CNTNAP3: variants seen among roughly 807,000 people sequenced by gnomAD.
CNTNAP3 encodes contactin-associated protein-like 3.
CNTNAP3 carries 36 observed loss-of-function variants against 92.1 expected under a neutral mutation model. The ratio of observed to expected loss-of-function variants is 0.39; its 90% CI spans 0.30 to 0.52. The LOEUF is 0.52. Ranked by LOEUF, CNTNAP3 falls within the 20% of genes least tolerant of loss-of-function variation. The probability of loss-of-function intolerance (pLI) is 0.76; values close to 1 mark genes in which losing one functional copy is unlikely to be tolerated. For synonymous variants in CNTNAP3, 232 were observed against 422.3 expected, an observed-to-expected ratio of 0.55 and a Z score of 5.53; for missense variants, 534 against 1,069.6, an observed-to-expected ratio of 0.50 and a Z score of 6.98.
intron 15 of CNTNAP3, among the ~76,000 whole-genome samples, chr9:39,105,184 T>C (rs535521043): frequency 2.0e-4 from 30 of 152,252 alleles, no homozygotes; most frequent in African/African-American, 6.7e-4. Flanking sequence ...CCCCAGCACT[T>C]TGGGAGGCCA....
intron 23 of CNTNAP3, among the ~76,000 whole-genome samples, chr9:39,077,586 A>ACAAG (rs1045727760): frequency 7.4e-5 from 8 of 107,498 alleles, no homozygotes; most frequent in African/African-American, 3.2e-4. Context: ...AAACAAACAA[A>ACAAG]CAAACAAAAA....
intron 13 of CNTNAP3, among the ~76,000 whole-genome samples, chr9:39,128,389 TA>T (rs1821198538): frequency 1.3e-5 from 2 of 152,050 alleles, no homozygotes; most frequent in African/African-American, 4.8e-5. Flanking sequence ...TTTTTTAAAT[TA>T]TACATTATGG....
chr9:39,093,878 G>C (rs1338404524), intron 18 of CNTNAP3, among the ~76,000 whole-genome samples: 1 of 151,104 alleles, frequency 6.6e-6, no homozygotes, highest in Non-Finnish European at 1.5e-5. Flanking sequence ...TATATATGTA[G>C]AAGTGGAATT....
chr9:39,111,330 A>G (rs1334814172), intron 14 of CNTNAP3, among the ~76,000 whole-genome samples: 1 of 152,190 alleles, frequency 6.6e-6, no homozygotes, highest in Non-Finnish European at 1.5e-5. Context: ...GACTTTAGGT[A>G]TCAAACTTTC....
intron 10 of CNTNAP3, among the ~76,000 whole-genome samples, chr9:39,147,880 TAACAGA>T (rs1821741648): frequency 6.6e-6 from 1 of 152,306 alleles, no homozygotes; most frequent in Middle Eastern, 3.4e-3. Context: ...ATATATCTCA[TAACAGA>T]AACACTGCAA....
chr9:39,146,437 C>G (rs940295938), intron 10 of CNTNAP3, among the ~76,000 whole-genome samples: 2 of 152,142 alleles, frequency 1.3e-5, no homozygotes, highest in Admixed American at 1.3e-4. Flanking sequence ...CGCCTGTAAT[C>G]CCAGCACTTT....
intron 18 of CNTNAP3, among the ~76,000 whole-genome samples, chr9:39,094,977 T>C (rs1826293530): frequency 6.6e-6 from 1 of 151,610 alleles, no homozygotes; most frequent in South Asian, 2.1e-4. Context: ...ATGGAATGTC[T>C]TTCCATCTAT....
At position 39,070,644 on chromosome 9, in the gene CNTNAP3, CTT is replaced by C. The variant is rs1206116125; in HGVS notation, c.*3244_*3245del. Among the ~76,000 whole-genome samples, 2 of 151,674 alleles carry C rather than the reference CTT, an allele frequency of 1.3e-5. No individual in the cohort carries two copies. Among genetic ancestry groups the C allele is most frequent in the African/African-American group, 2.4e-5 (1 of 41,328 alleles). On this transcript the variant is annotated 3_prime_UTR_variant, in exon 24 of 24. Coordinates refer to ENST00000297668, the MANE Select transcript of CNTNAP3 (RefSeq NM_033655.5). ...ATAGGGTGACTATAGTCAATAAAAA[CTT>C]AACTGCATATTTTAAAATACAGAGT... is the stretch of plus-strand genomic sequence containing the variant.
chr9:39,107,114 TAA>T (rs1826623451), intron 15 of CNTNAP3, among the ~76,000 whole-genome samples: 1 of 151,922 alleles, frequency 6.6e-6, no homozygotes, highest in Non-Finnish European at 1.5e-5. Context: ...ATAAATGAAT[TAA>T]ATGTCTGGAC....
At chr9:39,147,634 T>C (rs1370713929) in intron 10 of CNTNAP3, among the ~76,000 whole-genome samples, 1 of 152,230 alleles carries the variant, frequency 6.6e-6, no homozygotes, top group East Asian at 1.9e-4. Flanking sequence ...AGTTTAAGTG[T>C]GGCTCACACA....
chr9:39,120,946 G>C (rs1019202288), intron 13 of CNTNAP3, among the ~76,000 whole-genome samples: 5 of 151,854 alleles, frequency 3.3e-5, no homozygotes, highest in African/African-American at 1.2e-4. Context: ...TTTAGAAGTG[G>C]GGAAGATAAA....
At chr9:39,128,644 A>G (rs1821204857) in intron 13 of CNTNAP3, among the ~76,000 whole-genome samples, 1 of 152,166 alleles carries the variant, frequency 6.6e-6, no homozygotes, top group East Asian at 1.9e-4. Context: ...TGCCCTCACC[A>G]CTCTAGTTCA....
intron 20 of CNTNAP3, chr9:39,086,165 A>C (rs1826057279): frequency 5.0e-6 from 2 of 399,184 alleles, no homozygotes; most frequent in Non-Finnish European, 9.2e-6. Flanking sequence ...GAAAATCTGA[A>C]ACATAAAACC....
chr9:39,095,219 T>C (rs1336345496), intron 18 of CNTNAP3, among the ~76,000 whole-genome samples: 2 of 151,768 alleles, frequency 1.3e-5, no homozygotes, highest in African/African-American at 2.4e-5. Flanking sequence ...ATTTATTTTC[T>C]CTTAACAGCT....
chr9:39,114,081 C>CT (rs963951891), intron 14 of CNTNAP3, among the ~76,000 whole-genome samples: 7,793 of 130,206 alleles, frequency 0.06, 351 homozygotes, highest in South Asian at 0.073. Flanking sequence ...CACACACATA[C>CT]TTTTTTTTTT....
chr9:39,082,911 A>C (rs1825979871), intron 21 of CNTNAP3, among the ~76,000 whole-genome samples: 1 of 152,202 alleles, frequency 6.6e-6, no homozygotes. Context: ...CTGTACCAGG[A>C]CAGCATCCAC....
intron 23 of CNTNAP3, among the ~76,000 whole-genome samples, chr9:39,076,687 G>T (rs56121083): frequency 7.3e-3 from 1,056 of 145,226 alleles, no homozygotes; most frequent in Middle Eastern, 0.015. Context: ...TCAATAACTC[G>T]GCCGGGCATG....
rs978410671 is a variant in CNTNAP3 at position 39,065,885 on chromosome 9, C to G, written c.*8005G>C. Among the ~76,000 whole-genome samples the G allele has an allele frequency of 3.3e-5, 5 of 152,096 alleles. No homozygotes were observed. The highest frequency in any genetic ancestry group is 1.2e-4 in the African/African-American group (5 of 41,418). Reference sequence around the variant, plus strand: ...TTTACAGCATTCAAATAAAGTGTTGCAAATATTTTCTCCCAGTCTGTAGCT... The same window carrying G: ...TTTACAGCATTCAAATAAAGTGTTGGAAATATTTTCTCCCAGTCTGTAGCT... On this transcript the variant is annotated 3_prime_UTR_variant, in exon 24 of 24. Coordinates refer to ENST00000297668, the MANE Select transcript of CNTNAP3 (RefSeq NM_033655.5).
chr9:39,151,600 AT>A (rs1158591132), intron 9 of CNTNAP3, among the ~76,000 whole-genome samples: 1 of 140,304 alleles, frequency 7.1e-6, no homozygotes, highest in Admixed American at 7.1e-5. Flanking sequence ...GCAATTATTC[AT>A]TTCGGCTTAT....
Sources: allele counts gnomAD v4.1 joint callset (sites outside exome capture counted in the v4.1 genomes callset), GRCh38; gene constraint gnomAD v4.1.1; transcripts MANE v1.5; gene names NCBI Gene and HGNC (gene_info 2026-07-23, HGNC 2026-07-21).